Variants in KLK14 observed in about 807,000 individuals in gnomAD.
KLK14 encodes kallikrein-14.
KLK14 carries 21 observed loss-of-function variants against 24.6 expected under a neutral mutation model. That is an observed-to-expected ratio of 0.85 (90% CI 0.61 to 1.23). The LOEUF is 1.23. KLK14 is among the 50% of genes most tolerant of loss of function. KLK14 has a pLI of 0.00. For synonymous variants in KLK14, 133 were observed against 139.7 expected (o/e 0.95, Z 0.34); for missense variants, 320 against 338.9 (o/e 0.94, Z 0.44).
chr19:51,083,117 G>T (rs1377919102), upstream of KLK14, among the ~76,000 whole-genome samples: 3 of 151,876 alleles, frequency 2.0e-5, no homozygotes, highest in Non-Finnish European at 4.4e-5. Flanking sequence ...CCTGGGAGGG[G>T]ACCCCAGGGC....
chr19:51,078,592 G>T lies in KLK14; in HGVS notation c.603+223C>A, dbSNP rs2091817597. Among the ~76,000 whole-genome samples, 1 of 152,068 alleles carries T rather than the reference G, an allele frequency of 6.6e-6. No individual in the cohort carries two copies. Among genetic ancestry groups the T allele is most frequent in the Non-Finnish European group, 1.5e-5 (1 of 68,012 alleles). ...CCATTCCACCAACTACCCTAAGAGG[G>T]TTACTCCCACCTGACAGATGAGGAA... On this transcript the variant is annotated intron_variant, in intron 5 of 5. Coordinates refer to ENST00000650543, the MANE Select transcript of KLK14 (RefSeq NM_001369775.2). The surrounding 1 kb of genome is among the most constrained non-coding windows in gnomAD (Gnocchi z 5.0).
chr19:51,079,387 C>A (rs1213587091), intron 4 of KLK14, 62 bp downstream of exon 4: 2 of 1,484,084 alleles, frequency 1.3e-6, no homozygotes, highest in Admixed American at 4.2e-5. Context: ...CCCAGCTCCA[C>A]CTCCTGGAGA....
chr19:51,080,937 T>C (rs1441113161), intron 3 of KLK14, among the ~76,000 whole-genome samples: 1 of 152,088 alleles, frequency 6.6e-6, no homozygotes, highest in Non-Finnish European at 1.5e-5. Flanking sequence ...CATCCCAAAG[T>C]GCTAGGATTA....
In KLK14 at chr19:51,082,782, G is replaced by A; in HGVS notation, c.-83C>T. ...GCAGAGAGGTAGGGACCAGAGACGA[G>A]GGGGGCGGGGCCTGCAGGCTCTGCG... On this transcript the variant is annotated 5_prime_UTR_variant, in exon 1 of 6. Coordinates refer to ENST00000650543, the MANE Select transcript of KLK14 (RefSeq NM_001369775.2). 1 of 1,608,646 alleles carries A rather than the reference G, an allele frequency of 6.2e-7. No individual in the cohort carries two copies. Among genetic ancestry groups the A allele is most frequent in the Non-Finnish European group, 8.5e-7 (1 of 1,177,846 alleles).
intron 2 of KLK14, 45 bp from the exon 3 acceptor site, chr19:51,081,748 C>G (rs761076329): frequency 9.0e-6 from 13 of 1,439,574 alleles, no homozygotes; most frequent in Non-Finnish European, 1.1e-5. Flanking sequence ...TGAGCAAACA[C>G]TCTCCACTCC....
chr19:51,082,498 G>A (rs1398614276), intron 2 of KLK14, 77 bp downstream of exon 2: 3 of 1,421,344 alleles, frequency 2.1e-6, no homozygotes, highest in South Asian at 1.2e-5. Context: ...AGCATCCAGG[G>A]GCCCCAAGGA....
upstream of KLK14, among the ~76,000 whole-genome samples, chr19:51,083,161 G>A (rs2122764145): frequency 6.6e-6 from 1 of 152,008 alleles, no homozygotes; most frequent in South Asian, 2.1e-4. Context: ...AGTTGCTGGA[G>A]GTGGTGGATC....
intron 2 of KLK14, 152 bp downstream of exon 2, chr19:51,082,423 C>T (rs2091846026): frequency 2.9e-6 from 2 of 683,894 alleles, no homozygotes; most frequent in South Asian, 1.9e-5. Context: ...GAATTTAGGC[C>T]TCCAGCACGT....
intron 3 of KLK14, 69 bp from the exon 4 acceptor site, chr19:51,079,771 C>T (rs796963498): frequency 9.4e-6 from 14 of 1,492,662 alleles, no homozygotes; most frequent in African/African-American, 6.9e-5. Flanking sequence ...CCCTCCAGCC[C>T]GGTTCCCTGG....
At position 51,081,802 on chromosome 19, in the gene KLK14, G is replaced by C. The variant is rs183328901; in HGVS notation, c.41-99C>G. On this transcript the variant is annotated intron_variant, in intron 2 of 5. Transcript: ENST00000650543. Reference sequence around the variant, plus strand: ...AAAACTGACAAATCCCCTTCCTTTTGGTCTAACCCCTAAACTGCCCGCCTC... The same window carrying C: ...AAAACTGACAAATCCCCTTCCTTTTCGTCTAACCCCTAAACTGCCCGCCTC... 4.7e-4 allele frequency: 562 copies of C among 1,197,990 alleles called. 9 individuals carry two copies. In the Admixed American group the frequency reaches 0.015, roughly 32 times the overall value. The allele number at this position is 1,197,990 out of a possible 1,614,324, so 74.2% of individuals were successfully genotyped here. A position where few individuals can be genotyped will look rare whatever the true frequency, so the allele number is the denominator to read the frequency against.
chr19:51,078,958 G>A lies in KLK14; in HGVS notation c.467-7C>T. ...AGAGAGGCGGGGTACCTGGCTGGGG[G>A]ACACTGCAGGGTTATAACTGGGTCT... On this transcript the variant is annotated splice_polypyrimidine_tract_variant and splice_region_variant and intron_variant, in intron 4 of 5. Transcript: ENST00000650543. The surrounding 1 kb of genome is among the most constrained non-coding windows in gnomAD (Gnocchi z 5.0). The A allele has an allele frequency of 6.2e-7, 1 of 1,613,204 alleles. No homozygotes were observed. The highest frequency in any genetic ancestry group is 8.5e-7 in the Non-Finnish European group (1 of 1,179,792).
At position 51,079,636 on chromosome 19, in the gene KLK14, G is replaced by A. The variant is rs752422306; in HGVS notation, c.279C>T (p.Arg93=). The change falls in exon 4 of 6, where the codon CGC becomes CGT. Residue 93 remains arginine (R), a synonymous_variant. Coordinates refer to ENST00000650543, the MANE Select transcript of KLK14 (RefSeq NM_001369775.2). The part of the protein sequence containing the change: ...RRWEATQQVL[R]VVRQVTHPNY... ...TGGGGTGCGTCACCTGACGAACCAC[G>A]CGCAGCACCTGCTGGGTGGCCTCCC... is the stretch of plus-strand genomic sequence containing the variant. The A allele has an allele frequency of 2.1e-5, 33 of 1,607,982 alleles. No homozygotes were observed. The highest frequency in any genetic ancestry group is 4.4e-5 in the South Asian group (4 of 90,178).
At chr19:51,082,688 G>C in intron 1 of KLK14, 34 bp downstream of exon 1, 1 of 1,614,168 alleles carries the variant, frequency 6.2e-7, no homozygotes, top group Non-Finnish European at 8.5e-7. Context: ...ACAGAACCGG[G>C]GGCTGAGAGG....
At position 51,079,474 on chromosome 19, in the gene KLK14, G is replaced by T. The variant is rs750229655; in HGVS notation, c.441C>A (p.Gly147=). The T allele has an allele frequency of 6.2e-7, 1 of 1,613,208 alleles. No homozygotes were observed. Among genetic ancestry groups the T allele is most frequent in the Non-Finnish European group, 8.5e-7 (1 of 1,179,798 alleles). ...ASPGTSCRVS[G]WGTISSPIAR... is the part of the protein sequence containing the mutation. ...CGATGGGGCTGGATATAGTTCCCCA[G>T]CCTGACACTCGGCAGGAGGTCCCGG... Residue 147 remains glycine, a synonymous_variant, in exon 4 of 6, where the codon GGC becomes GGA. Transcript: ENST00000650543.
Position 51,078,180 on chromosome 19 carries a change from T to C in KLK14, c.604-21A>G, listed in dbSNP as rs764673364. 3 of 1,611,350 alleles carry C rather than the reference T, an allele frequency of 1.9e-6. No individual in the cohort carries two copies. The highest frequency in any genetic ancestry group is 2.5e-6 in the Non-Finnish European group (3 of 1,178,978). ...TCACCCTGAGGGGGAGGAACAGAAA[T>C]GGAGACACTGATGGACAGGTAGCCA... On this transcript the variant is annotated intron_variant, in intron 5 of 5. Transcript: ENST00000650543. The surrounding 1 kb of genome is among the most constrained non-coding windows in gnomAD (Gnocchi z 5.0).
intron 3 of KLK14, 29 bp downstream of exon 3, chr19:51,081,503 G>A: frequency 2.7e-6 from 4 of 1,478,086 alleles, no homozygotes; most frequent in Non-Finnish European, 3.6e-6. Context: ...AATTCACTAG[G>A]TACAGGGACA....
upstream of KLK14, among the ~76,000 whole-genome samples, chr19:51,083,270 G>A (rs73596517): frequency 0.084 from 8,904 of 106,336 alleles, 517 homozygotes; most frequent in African/African-American, 0.17. Flanking sequence ...AGGGAGTCAC[G>A]GGAGGAGGGA....
intron 4 of KLK14, 51 bp downstream of exon 4, chr19:51,079,398 C>T: frequency 6.6e-7 from 1 of 1,519,710 alleles, no homozygotes; most frequent in Non-Finnish European, 8.9e-7. Flanking sequence ...CTCCTGGAGA[C>T]CCAGGAGCCC....
At position 51,078,227 on chromosome 19, in the gene KLK14, C is replaced by T; in HGVS notation, c.604-68G>A. The T allele has an allele frequency of 6.6e-7, 1 of 1,525,176 alleles. No homozygotes were observed. Among genetic ancestry groups the T allele is most frequent in the South Asian group, 1.2e-5 (1 of 85,084 alleles). The allele number at this position is 1,525,176 out of a possible 1,614,324, so 94.5% of individuals were successfully genotyped here. A position where few individuals can be genotyped will look rare whatever the true frequency, so the allele number is the denominator to read the frequency against. Reference sequence around the variant, plus strand: ...GCCAGAGCCACCATGGCACAGAGAACCCGAGAAGCAGACACAGGGAGACAG... The same window carrying T: ...GCCAGAGCCACCATGGCACAGAGAATCCGAGAAGCAGACACAGGGAGACAG... On this transcript the variant is annotated intron_variant, in intron 5 of 5. Transcript: ENST00000650543. The surrounding 1 kb of genome is among the most constrained non-coding windows in gnomAD (Gnocchi z 5.0).
Sources: allele counts gnomAD v4.1 joint callset (sites outside exome capture counted in the v4.1 genomes callset), GRCh38; gene constraint gnomAD v4.1.1; non-coding constraint Gnocchi (gnomAD v3.1); transcripts MANE v1.5; gene names NCBI Gene and HGNC (gene_info 2026-07-23, HGNC 2026-07-21).